The following ADAMTS6 variants were observed in gnomAD, a reference collection of about 807,000 sequenced individuals.
ADAMTS6 encodes the protein A disintegrin and metalloproteinase with thrombospondin motifs 6.
In ADAMTS6, 23 loss-of-function variants were observed where a neutral mutation model predicts 144.3. That is an observed-to-expected ratio of 0.16 (90% CI 0.11 to 0.23). ADAMTS6 has a LOEUF of 0.23. ADAMTS6 is among the 10% of genes least tolerant of loss of function. The pLI is 1.00. For missense variants in ADAMTS6, 999 were observed against 1,379.6 expected (o/e 0.72, Z 4.37); for synonymous variants, 444 against 457.5 (o/e 0.97, Z 0.38).
intron 15 of ADAMTS6, among the ~76,000 whole-genome samples, chr5:65,239,126 G>GTA (rs1758935839): frequency 1.3e-5 from 2 of 152,076 alleles, no homozygotes; most frequent in Admixed American, 6.6e-5. Flanking sequence ...GTGGGGTAGG[G>GTA]GGAGGGGGGA....
chr5:65,355,644 T>C (rs1049606875), intron 7 of ADAMTS6, among the ~76,000 whole-genome samples: 17 of 151,814 alleles, frequency 1.1e-4, no homozygotes, highest in African/African-American at 4.1e-4. Context: ...TTTGGATAAA[T>C]AGAATTGGAT....
chr5:65,430,888 T>C (rs1210840733), intron 7 of ADAMTS6, among the ~76,000 whole-genome samples: 3 of 152,190 alleles, frequency 2.0e-5, no homozygotes, highest in African/African-American at 7.2e-5. Flanking sequence ...TTCTACTACT[T>C]GATGTAGTTA....
intron 7 of ADAMTS6, chr5:65,416,295 T>C (rs2367496): frequency 0.39 from 59,561 of 152,732 alleles, 11,966 homozygotes; most frequent in South Asian, 0.44. Context: ...CAATAACAAG[T>C]GTTGGTGATG....
At chr5:65,153,722 A>G (rs1315577940) in intron 24 of ADAMTS6, among the ~76,000 whole-genome samples, 1 of 152,220 alleles carries the variant, frequency 6.6e-6, no homozygotes, top group Non-Finnish European at 1.5e-5. Context: ...AACAAAGTGG[A>G]GTATTTCCTG....
At chr5:65,244,721 A>G (rs974180376) in intron 14 of ADAMTS6, among the ~76,000 whole-genome samples, 6 of 152,176 alleles carry the variant, frequency 3.9e-5, no homozygotes, top group Non-Finnish European at 7.3e-5. Flanking sequence ...TGGGGTACAG[A>G]AAGGTTGCTT....
chr5:65,348,132 TA>T (rs1748519220), intron 7 of ADAMTS6, among the ~76,000 whole-genome samples: 1 of 152,100 alleles, frequency 6.6e-6, no homozygotes, highest in South Asian at 2.1e-4. Context: ...TTTAAAATTA[TA>T]ACTACCATAG....
chr5:65,464,088 CA>C (rs1467311957), intron 3 of ADAMTS6, among the ~76,000 whole-genome samples: 1 of 152,202 alleles, frequency 6.6e-6, no homozygotes, highest in Non-Finnish European at 1.5e-5. Context: ...AGATCACCGT[CA>C]TTCTCTGCAA....
At chr5:65,280,007 G>A (rs1762867565) in intron 11 of ADAMTS6, among the ~76,000 whole-genome samples, 1 of 152,130 alleles carries the variant, frequency 6.6e-6, no homozygotes, top group South Asian at 2.1e-4. Flanking sequence ...ACATCCCAAG[G>A]TTTTCACTGA....
At position 65,150,234 on chromosome 5, in the gene ADAMTS6, T is replaced by G. The variant is rs543755544; in HGVS notation, c.*1602A>C. The G allele has an allele frequency of 1.3e-5, 2 of 152,752 alleles. No homozygotes were observed. The highest frequency in any genetic ancestry group is 4.8e-5 in the African/African-American group (2 of 41,564). The allele number at this position is 152,752 out of a possible 1,614,324, so 9.5% of individuals were successfully genotyped here. ...CAAAATAGCCATTTAGTTTTGAGTT[T>G]TAGGTGTTGGTGCATGCATGGTGTA... On this transcript the variant is annotated 3_prime_UTR_variant, in exon 25 of 25. Coordinates refer to ENST00000381055, the MANE Select transcript of ADAMTS6 (RefSeq NM_197941.4).
At chr5:65,270,643 A>G (rs1031253971) in intron 12 of ADAMTS6, among the ~76,000 whole-genome samples, 2 of 152,108 alleles carry the variant, frequency 1.3e-5, no homozygotes, top group Non-Finnish European at 2.9e-5. Context: ...TATTAGTGTC[A>G]TTCCTAAAAC....
Position 65,470,975 on chromosome 5 carries a change from G to A in ADAMTS6, c.265C>T (p.Leu89Phe). Reference sequence around the variant, plus strand: ...TGAAAGTGCTTGCCATAGGCTGAAAGTTTAAAAAATAACTTAGATACTGCC... The same window carrying A: ...TGAAAGTGCTTGCCATAGGCTGAAAATTTAAAAAATAACTTAGATACTGCC... ...QQAVSKLFFK[L>F]SAYGKHFHLN... The change falls in exon 3 of 25, where the codon CTT becomes TTT. Residue 89 changes from leucine to phenylalanine, a missense_variant. Leu to Phe is a conservative substitution (Grantham distance 22). Around this residue, in one of 3 missense-constraint regions of ADAMTS6, gnomAD observed 252 missense variants for 293.7 expected, o/e 0.86. Coordinates refer to ENST00000381055, the MANE Select transcript of ADAMTS6 (RefSeq NM_197941.4). The A allele has an allele frequency of 6.2e-7, 1 of 1,612,696 alleles. No individual in the cohort carries two copies. The highest frequency in any genetic ancestry group is 8.5e-7 in the Non-Finnish European group (1 of 1,179,436).
At chr5:65,460,020 G>A (rs755954342) in intron 4 of ADAMTS6, 150 bp downstream of exon 4, 5 of 649,464 alleles carry the variant, frequency 7.7e-6, no homozygotes, top group Non-Finnish European at 1.1e-5. Context: ...AAAACTACTG[G>A]TAGGTGACAT....
At chr5:65,363,067 C>T (rs956238230) in intron 7 of ADAMTS6, among the ~76,000 whole-genome samples, 6 of 152,232 alleles carry the variant, frequency 3.9e-5, no homozygotes, top group Admixed American at 2.6e-4. Flanking sequence ...AAGCCTGTCA[C>T]GGTTTCACAT....
At chr5:65,455,400 G>C (rs571633623) in intron 4 of ADAMTS6, among the ~76,000 whole-genome samples, 2 of 152,272 alleles carry the variant, frequency 1.3e-5, no homozygotes, top group South Asian at 2.1e-4. Context: ...AAATTAGCCA[G>C]ATGTGGTGGC....
chr5:65,455,660 C>G (rs1759133831), intron 4 of ADAMTS6, among the ~76,000 whole-genome samples: 1 of 151,614 alleles, frequency 6.6e-6, no homozygotes, highest in African/African-American at 2.4e-5. Flanking sequence ...CAAAAATTAG[C>G]TGTGTGGTGG....
At chr5:65,174,559 A>G (rs1579961295) in intron 22 of ADAMTS6, among the ~76,000 whole-genome samples, 1 of 152,278 alleles carries the variant, frequency 6.6e-6, no homozygotes, top group South Asian at 2.1e-4. Flanking sequence ...GACATCTGAA[A>G]CTTGGTAAGA....
chr5:65,384,348 T>C (rs1183270371), intron 7 of ADAMTS6, among the ~76,000 whole-genome samples: 1 of 152,158 alleles, frequency 6.6e-6, no homozygotes, highest in East Asian at 1.9e-4. Flanking sequence ...AGAGAAACCA[T>C]GCCACAAGAG....
intron 7 of ADAMTS6, among the ~76,000 whole-genome samples, chr5:65,436,735 G>A (rs1580705267): frequency 6.6e-6 from 1 of 151,936 alleles, no homozygotes. Flanking sequence ...GTGGGCACTT[G>A]TAATCCCATC....
At chr5:65,479,599 C>G (rs1209793012) in intron 1 of ADAMTS6, among the ~76,000 whole-genome samples, 1 of 152,120 alleles carries the variant, frequency 6.6e-6, no homozygotes, top group African/African-American at 2.4e-5. Flanking sequence ...ACACATATTC[C>G]AAATATGCTG....
Sources: allele counts gnomAD v4.1 joint callset (sites outside exome capture counted in the v4.1 genomes callset), GRCh38; gene constraint gnomAD v4.1.1; regional missense constraint gnomAD v4.1.1; transcripts MANE v1.5; gene names NCBI Gene and HGNC (gene_info 2026-07-23, HGNC 2026-07-21).